FGF14: variants seen among roughly 807,000 people sequenced by gnomAD.
The protein encoded by FGF14 is fibroblast growth factor homologous factor 4.
FGF14 carries 5 observed loss-of-function variants against 25.5 expected under a neutral mutation model. The ratio of observed to expected loss-of-function variants is 0.20; its 90% CI spans 0.10 to 0.41. The LOEUF is 0.41. Ranked by LOEUF, FGF14 falls within the 10% of genes least tolerant of loss-of-function variation. The pLI is 1.00. For missense variants in FGF14, 222 were observed against 320.1 expected, an observed-to-expected ratio of 0.69 and a Z score of 2.34; for synonymous variants, 138 against 118.3, an observed-to-expected ratio of 1.17 and a Z score of -1.08.
At chr13:102,178,906 T>C in intron 1 of FGF14, among the ~76,000 whole-genome samples, 1 of 152,200 alleles carries the variant, frequency 6.6e-6, no homozygotes, top group Admixed American at 6.5e-5. Flanking sequence ...TTCACTTTTG[T>C]AATCATGGAG....
intron 1 of FGF14, among the ~76,000 whole-genome samples, chr13:102,375,675 A>G (rs1400256732): frequency 6.6e-6 from 1 of 152,216 alleles, no homozygotes; most frequent in Non-Finnish European, 1.5e-5. Context: ...CCAGTAAGGA[A>G]AAATATTCAT....
intron 1 of FGF14, among the ~76,000 whole-genome samples, chr13:101,960,256 A>G (rs2036762459): frequency 6.6e-6 from 1 of 152,226 alleles, no homozygotes; most frequent in Admixed American, 6.5e-5. Context: ...TTTGTTACAT[A>G]GGTAAACATG....
At chr13:102,106,033 T>C (rs1452153667) in intron 1 of FGF14, among the ~76,000 whole-genome samples, 1 of 152,122 alleles carries the variant, frequency 6.6e-6, no homozygotes, top group Admixed American at 6.6e-5. Flanking sequence ...CCTATAGCAT[T>C]TACATTCAAA....
intron 1 of FGF14, among the ~76,000 whole-genome samples, chr13:102,127,195 A>G (rs756709441): frequency 3.9e-5 from 6 of 152,112 alleles, no homozygotes; most frequent in Non-Finnish European, 7.3e-5. Context: ...CATTTGTCTC[A>G]TAAGTAAAAA....
intron 1 of FGF14, among the ~76,000 whole-genome samples, chr13:101,884,868 TACAC>T (rs760286958): frequency 9.6e-5 from 7 of 73,234 alleles, no homozygotes; most frequent in African/African-American, 2.8e-4. Context: ...GACACATACA[TACAC>T]ACACACACAC....
intron 3 of FGF14, among the ~76,000 whole-genome samples, chr13:101,857,223 G>T (rs2044172181): frequency 6.6e-6 from 1 of 151,920 alleles, no homozygotes; most frequent in South Asian, 2.1e-4. Context: ...ATAATAGATA[G>T]GAGCCAGGAT....
chr13:102,163,598 A>T (rs1400230664), intron 1 of FGF14, among the ~76,000 whole-genome samples: 1 of 152,150 alleles, frequency 6.6e-6, no homozygotes, highest in African/African-American at 2.4e-5. Flanking sequence ...GGGTTCTCAG[A>T]GGTCACTTTG....
intron 1 of FGF14, among the ~76,000 whole-genome samples, chr13:102,379,874 C>G (rs1224143316): frequency 6.6e-6 from 1 of 151,982 alleles, no homozygotes; most frequent in African/African-American, 2.4e-5. Context: ...GAAAATAAAC[C>G]AAGAGCCTCC....
rs1158021810 is a variant in FGF14 at position 101,715,590 on chromosome 13, G to A, written c.*7241C>T. On this transcript the variant is annotated 3_prime_UTR_variant, in exon 5 of 5. Coordinates refer to ENST00000376143, the MANE Select transcript of FGF14 (RefSeq NM_004115.4). ...AATGGAATATGTAGCTGTGGAAACT[G>A]TGAATGCTGGGATGGATGGAATGGA... 2 of 1,613,240 alleles carry A rather than the reference G, an allele frequency of 1.2e-6. No homozygotes were observed. The highest frequency in any genetic ancestry group is 8.5e-7 in the Non-Finnish European group (1 of 1,179,268).
At chr13:101,906,039 C>T (rs1462876298) in intron 1 of FGF14, among the ~76,000 whole-genome samples, 1 of 152,100 alleles carries the variant, frequency 6.6e-6, no homozygotes, top group African/African-American at 2.4e-5. Flanking sequence ...GTTACTTTCC[C>T]TACACTTTCC....
intron 3 of FGF14, among the ~76,000 whole-genome samples, chr13:101,793,071 T>C (rs1470838594): frequency 2.0e-5 from 3 of 152,100 alleles, no homozygotes; most frequent in Non-Finnish European, 4.4e-5. Context: ...ACTCAGTTAT[T>C]AGCTGTATTC....
chr13:102,376,776 A>G (rs2058050726), intron 1 of FGF14, among the ~76,000 whole-genome samples: 2 of 152,230 alleles, frequency 1.3e-5, no homozygotes, highest in Non-Finnish European at 2.9e-5. Context: ...TAGTTGATTG[A>G]CATTTTGAAT....
chr13:102,335,635 A>T (rs1429845640), intron 1 of FGF14, among the ~76,000 whole-genome samples: 1 of 152,186 alleles, frequency 6.6e-6, no homozygotes, highest in Non-Finnish European at 1.5e-5. Flanking sequence ...GAAGTACCAG[A>T]TACAATGCAA....
rs1041694361 is a variant in FGF14 at position 101,982,880 on chromosome 13, T to G, written c.209-107584A>C. On this transcript the variant is annotated intron_variant, in intron 1 of 4. Coordinates refer to the FGF14 transcript ENST00000376131. The stretch of plus-strand genomic sequence containing the variant: ...GCTTCCGGCAAACAGATGAAAAAAC[T>G]GGAAAGAATGTTTTCCTATACAAAC... Among the ~76,000 whole-genome samples the G allele has an allele frequency of 7.9e-5, 12 of 152,180 alleles. No individual in the cohort carries two copies. The South Asian group carries it at 1.0e-3, about 13-fold the overall frequency.
intron 3 of FGF14, among the ~76,000 whole-genome samples, chr13:101,819,850 T>C (rs563681643): frequency 7.8e-4 from 119 of 152,328 alleles, no homozygotes; most frequent in Admixed American, 2.2e-3. Context: ...TGCACAGCCA[T>C]GCACTTCTCC....
chr13:102,273,589 G>C lies in FGF14; in HGVS notation c.208+127882C>G, dbSNP rs940447691. On this transcript the variant is annotated intron_variant, in intron 1 of 4. Coordinates refer to the FGF14 transcript ENST00000376131. ...TTAATTTTAGTAACAGATTGTGTGT[G>C]TACTAATATAGAACACCTGAAATGT... 2.6e-5 allele frequency among the ~76,000 whole-genome samples: 4 copies of C among 152,290 alleles called. 1 individual carries two copies.
At chr13:102,020,551 CAAAG>C (rs2040586089) in intron 1 of FGF14, among the ~76,000 whole-genome samples, 1 of 148,622 alleles carries the variant, frequency 6.7e-6, no homozygotes, top group Non-Finnish European at 1.5e-5. Context: ...CTGTGAGAAA[CAAAG>C]AAAGAGAGAG....
chr13:102,198,831 C>G (rs1285923292), intron 1 of FGF14, among the ~76,000 whole-genome samples: 1 of 152,162 alleles, frequency 6.6e-6, no homozygotes, highest in Non-Finnish European at 1.5e-5. Flanking sequence ...CATGTGGTAT[C>G]TCTGACATGG....
chr13:101,783,595 T>C (rs1462113120), intron 3 of FGF14, among the ~76,000 whole-genome samples: 2 of 152,210 alleles, frequency 1.3e-5, no homozygotes, highest in African/African-American at 4.8e-5. Flanking sequence ...ATGTATAGTT[T>C]ACAAAAATTA....
Sources: gnomAD v4.1 joint callset for allele counts (sites outside exome capture counted in the v4.1 genomes callset) on GRCh38, gnomAD v4.1.1 for gene constraint, MANE v1.5 for transcripts, NCBI Gene and HGNC (gene_info 2026-07-23, HGNC 2026-07-21) for gene names.